MACROD2: variants seen among roughly 807,000 people sequenced by gnomAD.
MACROD2 encodes the protein ADP-ribose glycohydrolase MACROD2.
In MACROD2, 36 loss-of-function variants were observed where a neutral mutation model predicts 70.4. The observed-to-expected ratio is 0.51, with a 90% CI of 0.39 to 0.68. The LOEUF is 0.68. Ranked by LOEUF, MACROD2 falls within the 30% of genes least tolerant of loss-of-function variation. The pLI is 0.00. For missense variants in MACROD2, 496 were observed against 538.4 expected (o/e 0.92, Z 0.78); for synonymous variants, 172 against 178.8 (o/e 0.96, Z 0.30).
intron 8 of MACROD2, among the ~76,000 whole-genome samples, chr20:15,579,092 TATTTAAG>T (rs1162583541): frequency 6.6e-6 from 1 of 152,194 alleles, no homozygotes; most frequent in Non-Finnish European, 1.5e-5. Flanking sequence ...CAACATTCCA[TATTTAAG>T]TTGGAAGCAG....
Position 14,861,711 on chromosome 20 carries a change from C to G in MACROD2, c.418+176752C>G, listed in dbSNP as rs953562917. Among the ~76,000 whole-genome samples the G allele has an allele frequency of 2.0e-5, 3 of 151,472 alleles. No individual in the cohort carries two copies. The Admixed American group carries it at 2.0e-4, about 10-fold the overall frequency. ...AATTAGAAGGAAGGGCAGACTGGCA[C>G]TTTCTCATTAAGGTAACTCACTCAT... On this transcript the variant is annotated intron_variant, in intron 5 of 17. Coordinates refer to ENST00000684519, the MANE Select transcript of MACROD2 (RefSeq NM_001351661.2).
chr20:15,789,781 G>C (rs1451049234), intron 8 of MACROD2, among the ~76,000 whole-genome samples: 1 of 151,928 alleles, frequency 6.6e-6, no homozygotes, highest in Non-Finnish European at 1.5e-5. Flanking sequence ...AAGGAAATGA[G>C]AGTTATATTA....
chr20:15,387,645 A>G (rs2045735132), intron 6 of MACROD2, among the ~76,000 whole-genome samples: 1 of 151,924 alleles, frequency 6.6e-6, no homozygotes, highest in Non-Finnish European at 1.5e-5. Flanking sequence ...ACAAAAACAC[A>G]GCAGCCAGAC....
intron 5 of MACROD2, among the ~76,000 whole-genome samples, chr20:15,163,266 T>G (rs953367938): frequency 6.6e-6 from 1 of 151,888 alleles, no homozygotes; most frequent in Admixed American, 6.6e-5. Flanking sequence ...ATTTCCCTGG[T>G]TAAAATACAG....
intron 7 of MACROD2, among the ~76,000 whole-genome samples, chr20:15,478,573 G>T (rs376649854): frequency 3.0e-5 from 4 of 134,038 alleles, no homozygotes; most frequent in South Asian, 2.4e-4. Flanking sequence ...GTGTGTGTGT[G>T]TTTCTTCCTC....
At chr20:15,968,797 GTATATATATATATATA>G (rs35259261) in intron 13 of MACROD2, among the ~76,000 whole-genome samples, 1,971 of 106,800 alleles carry the variant, frequency 0.018, 43 homozygotes, top group African/African-American at 0.045. Flanking sequence ...TATATTATGC[GTATATATATATATATA>G]TATATATATA....
intron 5 of MACROD2, among the ~76,000 whole-genome samples, chr20:14,930,606 T>C (rs533040130): frequency 2.0e-5 from 3 of 151,952 alleles, no homozygotes; most frequent in Non-Finnish European, 4.4e-5. Flanking sequence ...ATGCCTGCCA[T>C]GACACCTTCT....
intron 3 of MACROD2, among the ~76,000 whole-genome samples, chr20:14,241,480 G>C (rs1005901167): frequency 2.0e-5 from 3 of 151,964 alleles, no homozygotes; most frequent in Admixed American, 2.0e-4. Context: ...AACAGACATG[G>C]AAACACGTAC....
At chr20:15,074,666 A>G (rs1419621241) in intron 5 of MACROD2, among the ~76,000 whole-genome samples, 1 of 152,164 alleles carries the variant, frequency 6.6e-6, no homozygotes, top group Non-Finnish European at 1.5e-5. Flanking sequence ...GAGTTAGAGG[A>G]CACATAGCTG....
intron 6 of MACROD2, among the ~76,000 whole-genome samples, chr20:15,275,166 G>T (rs1361303265): frequency 6.6e-6 from 1 of 152,198 alleles, no homozygotes; most frequent in Admixed American, 6.5e-5. Flanking sequence ...ATTGGCATGG[G>T]ATGGGTCCAT....
intron 5 of MACROD2, among the ~76,000 whole-genome samples, chr20:14,939,434 G>C (rs2423859): frequency 0.06 from 9,052 of 152,004 alleles, 275 homozygotes; most frequent in African/African-American, 0.069. Context: ...TTTCTATTCT[G>C]TTCCATTGTA....
chr20:15,250,154 T>C (rs528216742), intron 6 of MACROD2, among the ~76,000 whole-genome samples: 2 of 152,226 alleles, frequency 1.3e-5, no homozygotes, highest in Non-Finnish European at 2.9e-5. Flanking sequence ...CTATTCCATC[T>C]GTCAAGATTA....
chr20:14,488,279 T>A (rs1213759738), intron 3 of MACROD2, among the ~76,000 whole-genome samples: 1 of 152,232 alleles, frequency 6.6e-6, no homozygotes, highest in East Asian at 1.9e-4. Context: ...TTGTTCACTC[T>A]TGGGAAAGCC....
At chr20:15,971,587 A>C (rs530420314) in intron 13 of MACROD2, among the ~76,000 whole-genome samples, 18 of 152,272 alleles carry the variant, frequency 1.2e-4, no homozygotes, top group Admixed American at 4.6e-4. Flanking sequence ...TAGCAGCATG[A>C]AAATAGACTA....
chr20:14,566,744 A>G (rs1979834606), intron 4 of MACROD2: 1 of 151,984 alleles, frequency 6.6e-6, no homozygotes, highest in Non-Finnish European at 1.5e-5. Flanking sequence ...GTAACATACG[A>G]AAGTCCAACT....
At chr20:15,467,913 T>G (rs1027040983) in intron 7 of MACROD2, among the ~76,000 whole-genome samples, 7 of 152,168 alleles carry the variant, frequency 4.6e-5, no homozygotes, top group African/African-American at 1.4e-4. Context: ...TCTGTGATGT[T>G]AAGATTGTAT....
chr20:14,403,970 G>C (rs1036660525), intron 3 of MACROD2, among the ~76,000 whole-genome samples: 1 of 152,052 alleles, frequency 6.6e-6, no homozygotes, highest in African/African-American at 2.4e-5. Context: ...AATTAGGGGA[G>C]TTGAAAATAA....
At chr20:14,930,156 C>T (rs183773747) in intron 5 of MACROD2, among the ~76,000 whole-genome samples, 79 of 40,938 alleles carry the variant, frequency 1.9e-3, no homozygotes, top group African/African-American at 3.9e-3. Flanking sequence ...AGTGAGACTC[C>T]GTCTCAAAAA....
rs139633013 is a variant in MACROD2 at position 15,902,795 on chromosome 20, C to A, written c.775+16984C>A. On this transcript the variant is annotated intron_variant, in intron 10 of 17. Transcript: ENST00000684519. ...AGATCCTCCAGTCCCAAGAAAGCCC[C>A]CAGATGACTGCAGACGTAGCTGACA... Among the ~76,000 whole-genome samples, 878 of 152,080 alleles carry A rather than the reference C, an allele frequency of 5.8e-3. 2 individuals are homozygous for A. The highest frequency in any genetic ancestry group is 9.5e-3 in the Non-Finnish European group (649 of 67,996).
Sources: gnomAD v4.1 joint callset for allele counts (sites outside exome capture counted in the v4.1 genomes callset) on GRCh38, gnomAD v4.1.1 for gene constraint, MANE v1.5 for transcripts, NCBI Gene and HGNC (gene_info 2026-07-23, HGNC 2026-07-21) for gene names.